SHISA9: variants seen among roughly 807,000 people sequenced by gnomAD.
The protein encoded by SHISA9 is protein shisa-9.
A neutral mutation model predicts 38.0 loss-of-function variants in SHISA9; 13 were observed. That is an observed-to-expected ratio of 0.34 (90% confidence interval 0.22 to 0.54). The LOEUF (loss-of-function observed/expected upper bound fraction) is 0.54, where lower values mean the gene tolerates loss of function less well. Ranked by LOEUF, SHISA9 falls within the 20% of genes least tolerant of loss-of-function variation. The probability of loss-of-function intolerance (pLI) is 0.91; values close to 1 mark genes in which losing one functional copy is unlikely to be tolerated. For missense variants in SHISA9, 538 were observed against 575.8 expected, an observed-to-expected ratio of 0.93 and a Z score of 0.67; for synonymous variants, 275 against 242.0, an observed-to-expected ratio of 1.14 and a Z score of -1.27.
intron 2 of SHISA9, among the ~76,000 whole-genome samples, chr16:13,052,391 G>A (rs553820598): frequency 6.6e-6 from 1 of 152,296 alleles, no homozygotes; most frequent in East Asian, 1.9e-4. Flanking sequence ...TTATGTATGA[G>A]GGAGCAAAGC....
the SHISA9 span, among the ~76,000 whole-genome samples, chr16:13,370,794 G>T: frequency 9.9e-5 from 15 of 152,200 alleles, no homozygotes; most frequent in East Asian, 1.2e-3. Context: ...AATTAGTAAG[G>T]TTCTGAAGGA....
At chr16:13,384,059 C>T in the SHISA9 span, among the ~76,000 whole-genome samples, 17 of 152,198 alleles carry the variant, frequency 1.1e-4, no homozygotes, top group Admixed American at 5.2e-4. Context: ...AAATGGTTAA[C>T]GTTAGGAGAG....
rs77237397 is a variant in SHISA9 at position 13,224,486 on chromosome 16, A to G, written c.896-10544A>G. Reference sequence around the variant, plus strand: ...ATGTAATATCCTGCCCATTTCTCATATTTCAGGGACTGTCATTGGAACTGG... The same window carrying G: ...ATGTAATATCCTGCCCATTTCTCATGTTTCAGGGACTGTCATTGGAACTGG... On this transcript the variant is annotated intron_variant, in intron 4 of 4. Transcript: ENST00000558583. Among the ~76,000 whole-genome samples the G allele has an allele frequency of 6.3e-4, 96 of 152,246 alleles. No individual in the cohort carries two copies. In the East Asian group the frequency reaches 0.016, roughly 25 times the overall value.
rs1567184216 is a variant in SHISA9 at position 13,019,940 on chromosome 16, T to TCC, written c.691+103125_691+103126insCC. On this transcript the variant is annotated intron_variant, in intron 2 of 4. Transcript: ENST00000558583. The stretch of plus-strand genomic sequence containing the variant: ...CTTTCTTTCTTTCTTTCTTTCTTTC[T>TCC]TTCTTTCTTTCTTTCTTTCCCTCCT... Among the ~76,000 whole-genome samples, 120 of 78,034 alleles carry TCC rather than the reference T, an allele frequency of 1.5e-3. 7 individuals are homozygous for TCC. Among genetic ancestry groups the TCC allele is most frequent in the Non-Finnish European group, 2.8e-3 (90 of 32,708 alleles). The allele number at this position is 78,034 out of a possible 152,430, so 51.2% of individuals were successfully genotyped here.
chr16:13,280,057 G>C, the SHISA9 span, among the ~76,000 whole-genome samples: 1 of 150,406 alleles, frequency 6.6e-6, no homozygotes, highest in South Asian at 2.1e-4. Context: ...CATGGGATCA[G>C]AGTAGTGATG....
the SHISA9 span, among the ~76,000 whole-genome samples, chr16:13,313,112 G>C: frequency 1.3e-5 from 2 of 150,798 alleles, no homozygotes; most frequent in Non-Finnish European, 3.0e-5. Flanking sequence ...AAAATTAGCC[G>C]GGCGTAGTGG....
At chr16:13,325,213 T>C in the SHISA9 span, among the ~76,000 whole-genome samples, 1 of 152,194 alleles carries the variant, frequency 6.6e-6, no homozygotes, top group Non-Finnish European at 1.5e-5. Context: ...TTTCAAAATA[T>C]ATCAAATAAA....
At chr16:12,941,881 T>G (rs980902923) in intron 2 of SHISA9, among the ~76,000 whole-genome samples, 2 of 152,212 alleles carry the variant, frequency 1.3e-5, no homozygotes, top group African/African-American at 4.8e-5. Flanking sequence ...TAAGTCATTT[T>G]GATTATAGTC....
chr16:13,251,682 C>T, the SHISA9 span, among the ~76,000 whole-genome samples: 4 of 152,140 alleles, frequency 2.6e-5, no homozygotes, highest in Admixed American at 2.6e-4. Flanking sequence ...TTTCATCCTT[C>T]CTGTTTCATT....
At chr16:13,012,805 C>A (rs1252020498) in intron 2 of SHISA9, among the ~76,000 whole-genome samples, 1 of 152,162 alleles carries the variant, frequency 6.6e-6, no homozygotes. Flanking sequence ...CCCCTCCTCC[C>A]TGGTCTTGTA....
chr16:12,911,917 C>G (rs992335327), intron 1 of SHISA9, among the ~76,000 whole-genome samples: 5 of 152,188 alleles, frequency 3.3e-5, no homozygotes, highest in African/African-American at 1.2e-4. Context: ...CCATTACTTT[C>G]AATGTCAAAA....
chr16:13,134,642 C>A (rs932899695), intron 2 of SHISA9, among the ~76,000 whole-genome samples: 1 of 152,012 alleles, frequency 6.6e-6, no homozygotes, highest in African/African-American at 2.4e-5. Flanking sequence ...GAGAGATGGG[C>A]AGGGGCTGAA....
At position 13,169,667 on chromosome 16, in the gene SHISA9, C is replaced by G. The variant is rs192508100; in HGVS notation, c.692-33727C>G. ...TTATCAGTTTCCTGGCTTTGGATTT[C>G]TTAAACAATTATGAACAGCCTAGAC... On this transcript the variant is annotated intron_variant, in intron 2 of 4. Transcript: ENST00000558583. Among the ~76,000 whole-genome samples, 59 of 152,306 alleles carry G rather than the reference C, an allele frequency of 3.9e-4. 1 individual carries two copies. The highest frequency in any genetic ancestry group is 9.1e-4 in the Admixed American group (14 of 15,304).
chr16:13,187,323 C>CTTTTCTTTTCTTTTCTT (rs2050834592), intron 2 of SHISA9, among the ~76,000 whole-genome samples: 13 of 90,642 alleles, frequency 1.4e-4, no homozygotes, highest in East Asian at 3.4e-4. Flanking sequence ...CTTTTCTTTT[C>CTTTTCTTTTCTTTTCTT]TTTTCTTTTT....
Position 13,010,444 on chromosome 16 carries a change from C to A in SHISA9, c.691+93629C>A, listed in dbSNP as rs115165869. The stretch of plus-strand genomic sequence containing the variant: ...ATCATTACTGTCATAGATTCTTAGA[C>A]TTAACACTGTCTCTGAGGATACTTG... On this transcript the variant is annotated intron_variant, in intron 2 of 4. Coordinates refer to ENST00000558583, the MANE Select transcript of SHISA9 (RefSeq NM_001145204.3). Among the ~76,000 whole-genome samples, 358 of 152,260 alleles carry A rather than the reference C, an allele frequency of 2.4e-3. 1 individual carries two copies. Among genetic ancestry groups the A allele is most frequent in the African/African-American group, 8.0e-3 (332 of 41,550 alleles).
intron 2 of SHISA9, among the ~76,000 whole-genome samples, chr16:13,054,740 G>T (rs1363497448): frequency 5.3e-5 from 8 of 152,082 alleles, no homozygotes; most frequent in Admixed American, 5.2e-4. Context: ...CTTTAACACG[G>T]GCTGCTTCTG....
intron 2 of SHISA9, among the ~76,000 whole-genome samples, chr16:12,989,470 CTTCTGGCCAAACTCA>C (rs1466365117): frequency 6.6e-6 from 1 of 152,130 alleles, no homozygotes; most frequent in Non-Finnish European, 1.5e-5. Context: ...TGAGCCACTG[CTTCTGGCCAAACTCA>C]TTAATTTTTT....
chr16:13,104,821 A>G (rs1596650763), intron 2 of SHISA9, among the ~76,000 whole-genome samples: 1 of 152,194 alleles, frequency 6.6e-6, no homozygotes, highest in African/African-American at 2.4e-5. Context: ...TATACTTACA[A>G]TGTGTGAGTT....
chr16:13,124,538 TG>T (rs1295513791), intron 2 of SHISA9, among the ~76,000 whole-genome samples: 1 of 152,156 alleles, frequency 6.6e-6, no homozygotes, highest in African/African-American at 2.4e-5. Flanking sequence ...TTGGACTCTG[TG>T]TGCCCCAGAC....
Sources: gnomAD v4.1 joint callset for allele counts (sites outside exome capture counted in the v4.1 genomes callset) on GRCh38, gnomAD v4.1.1 for gene constraint, MANE v1.5 for transcripts, NCBI Gene and HGNC (gene_info 2026-07-23, HGNC 2026-07-21) for gene names.